The following BCAP29 variants were observed in gnomAD, a reference collection of about 807,000 sequenced individuals.
The protein encoded by BCAP29 is B cell receptor associated protein 29.
Under a neutral mutation model 31.8 loss-of-function variants are expected in BCAP29, and 34 were observed. That is an observed-to-expected ratio of 1.07 (90% CI 0.81 to 1.42). The LOEUF is 1.42. Among genes scored for constraint, BCAP29 ranks in the 40% most tolerant of loss-of-function variants. The pLI is 0.00. For synonymous variants in BCAP29, 104 were observed against 91.3 expected, an observed-to-expected ratio of 1.14 and a Z score of -0.79; for missense variants, 314 against 269.2, an observed-to-expected ratio of 1.17 and a Z score of -1.16.
chr7:107,589,846 C>T (rs2129223889), intron 3 of BCAP29, among the ~76,000 whole-genome samples: 1 of 152,256 alleles, frequency 6.6e-6, no homozygotes, highest in East Asian at 1.9e-4. Flanking sequence ...TAGAGACAGA[C>T]TTTCGCTTTG....
At chr7:107,603,880 A>G (rs536669265) in intron 6 of BCAP29, among the ~76,000 whole-genome samples, 3 of 152,170 alleles carry the variant, frequency 2.0e-5, no homozygotes, top group Admixed American at 2.0e-4. Context: ...CTGGGATTAC[A>G]GGCATGAACT....
intron 2 of BCAP29, among the ~76,000 whole-genome samples, chr7:107,582,970 A>G (rs1381239650): frequency 6.6e-6 from 1 of 152,158 alleles, no homozygotes; most frequent in African/African-American, 2.4e-5. Flanking sequence ...ACCAATTTCA[A>G]GTAGTTACTT....
chr7:107,603,529 TG>T (rs1811543324), intron 6 of BCAP29: 1 of 151,682 alleles, frequency 6.6e-6, no homozygotes, highest in Admixed American at 6.6e-5. Flanking sequence ...AAACAGTAAT[TG>T]GGGGAAATTT....
At chr7:107,580,405 G>A in intron 1 of BCAP29, 104 bp downstream of exon 1, 1 of 236,116 alleles carries the variant, frequency 4.2e-6, no homozygotes, top group Non-Finnish European at 8.2e-6. Flanking sequence ...GCCCGACCCG[G>A]CCCGGCCCGG....
intron 2 of BCAP29, among the ~76,000 whole-genome samples, chr7:107,583,316 A>T (rs981989064): frequency 7.2e-5 from 11 of 152,004 alleles, no homozygotes; most frequent in South Asian, 4.1e-4. Context: ...ATATATATAT[A>T]GTGTGTGTGT....
chr7:107,600,204 CT>C, intron 5 of BCAP29, 192 bp from the exon 6 acceptor site: 2 of 612,814 alleles, frequency 3.3e-6, no homozygotes, highest in Non-Finnish European at 3.0e-6. Context: ...AATAGGAAAT[CT>C]TTTTTGTGTG....
chr7:107,583,349 T>G (rs1184381007), intron 2 of BCAP29, among the ~76,000 whole-genome samples: 4 of 152,144 alleles, frequency 2.6e-5, no homozygotes, highest in African/African-American at 7.2e-5. Context: ...GCTACATATT[T>G]AAGATTTTTT....
At chr7:107,593,065 T>G (rs1216871662) in intron 3 of BCAP29, among the ~76,000 whole-genome samples, 1 of 152,178 alleles carries the variant, frequency 6.6e-6, no homozygotes, top group Non-Finnish European at 1.5e-5. Flanking sequence ...GGTATGTGAA[T>G]TACATCTCAA....
At chr7:107,599,579 A>G (rs1237401209) in intron 5 of BCAP29, among the ~76,000 whole-genome samples, 1 of 150,272 alleles carries the variant, frequency 6.7e-6, no homozygotes, top group Non-Finnish European at 1.5e-5. Context: ...CTATTGACCC[A>G]CAACAGTATA....
At chr7:107,621,916 A>G (rs774254950), downstream of BCAP29, 2 of 534,280 alleles carry the variant, frequency 3.7e-6, no homozygotes, top group South Asian at 2.8e-5. Context: ...AAATTAATAC[A>G]GGAGCATGCA....
At chr7:107,621,966 G>T (rs1192679042), downstream of BCAP29, 1 of 509,270 alleles carries the variant, frequency 2.0e-6, no homozygotes, top group East Asian at 5.5e-5. Context: ...TTCAAGGGGT[G>T]TGGAAAACAG....
chr7:107,613,465 G>C (rs1813592835), intron 7 of BCAP29, 33 bp downstream of exon 7: 1 of 1,493,268 alleles, frequency 6.7e-7, no homozygotes. Context: ...GCACCTAAAT[G>C]TTTTGAAATA....
At chr7:107,606,448 T>A (rs182392918) in intron 6 of BCAP29, among the ~76,000 whole-genome samples, 9 of 152,370 alleles carry the variant, frequency 5.9e-5, no homozygotes, top group Admixed American at 2.0e-4. Flanking sequence ...CCAAACTTAA[T>A]AAGCTCAGCA....
intron 7 of BCAP29, among the ~76,000 whole-genome samples, chr7:107,614,303 C>G (rs1813741328): frequency 1.3e-5 from 2 of 152,202 alleles, no homozygotes; most frequent in Non-Finnish European, 2.9e-5. Flanking sequence ...ATACACTATA[C>G]TCATAGACTT....
At chr7:107,607,849 A>G (rs1356336169) in intron 6 of BCAP29, among the ~76,000 whole-genome samples, 2 of 151,976 alleles carry the variant, frequency 1.3e-5, no homozygotes, top group Non-Finnish European at 2.9e-5. Context: ...CATGTTGGCC[A>G]GGCTGGTCTT....
chr7:107,614,988 T>G (rs1224327917), intron 7 of BCAP29, among the ~76,000 whole-genome samples: 1 of 152,188 alleles, frequency 6.6e-6, no homozygotes, highest in Non-Finnish European at 1.5e-5. Context: ...TTTGTGAGAT[T>G]AGGGTTTACT....
At chr7:107,593,859 TAA>T in intron 3 of BCAP29, 94 bp from the exon 4 acceptor site, 1 of 1,276,492 alleles carries the variant, frequency 7.8e-7, no homozygotes, top group Non-Finnish European at 1.1e-6. Flanking sequence ...GTCCATTATT[TAA>T]AAGTTTGGTC....
At chr7:107,592,392 A>G (rs998113015) in intron 3 of BCAP29, among the ~76,000 whole-genome samples, 15 of 152,254 alleles carry the variant, frequency 9.9e-5, no homozygotes, top group Admixed American at 2.6e-4. Flanking sequence ...AAGAAATGCC[A>G]CTTTACACCC....
intron 5 of BCAP29, among the ~76,000 whole-genome samples, chr7:107,597,568 G>A (rs1348899472): frequency 1.3e-5 from 2 of 152,082 alleles, no homozygotes; most frequent in Non-Finnish European, 2.9e-5. Context: ...TCACAACAAG[G>A]TTTTTAACTG....
Sources: allele counts gnomAD v4.1 joint callset (sites outside exome capture counted in the v4.1 genomes callset), GRCh38; gene constraint gnomAD v4.1.1; transcripts MANE v1.5; gene names NCBI Gene and HGNC (gene_info 2026-07-23, HGNC 2026-07-21).